Variants in ANKRD30B observed in about 807,000 individuals in gnomAD.
ANKRD30B encodes ankyrin repeat domain 30B, also known as ankyrin repeat domain-containing protein 30B.
In ANKRD30B, 144 loss-of-function variants were observed where a neutral mutation model predicts 202.2. That is an observed-to-expected ratio of 0.71 (90% CI 0.62 to 0.82). The LOEUF is 0.82. ANKRD30B is among the 40% of genes least tolerant of loss of function. The probability of loss-of-function intolerance (pLI) is 0.00; values close to 1 mark genes in which losing one functional copy is unlikely to be tolerated. For synonymous variants in ANKRD30B, 508 were observed against 561.3 expected (o/e 0.91, Z 1.34); for missense variants, 1,487 against 1,669.1 (o/e 0.89, Z 1.90).
rs780538017 is a variant in ANKRD30B at position 14,837,230 on chromosome 18, T to C, written c.2867T>C (p.Val956Ala). ...LTTKEGATKT[V>A]TGQQERDIGI... ...TAATAGGAGGGAGCAACAAAGACAG[T>C]AACTGGACAACAGGAACGTGATATT... Residue 956 changes from valine (V) to alanine (A), a missense_variant, in exon 35 of 44, where the codon GTA becomes GCA. Around this residue, in one of 6 missense-constraint regions of ANKRD30B, gnomAD observed 218 missense variants for 320.1 expected, o/e 0.68. Coordinates refer to ENST00000690538, the MANE Select transcript of ANKRD30B (RefSeq NM_001367607.2). 1.3e-4 allele frequency: 203 copies of C among 1,548,008 alleles called. No individual in the cohort carries two copies. The highest frequency in any genetic ancestry group is 2.0e-5 in the Admixed American group (1 of 50,710).
chr18:14,773,140 A>G (rs957287404), intron 9 of ANKRD30B, among the ~76,000 whole-genome samples: 8 of 152,202 alleles, frequency 5.3e-5, no homozygotes, highest in Non-Finnish European at 1.0e-4. Flanking sequence ...CTGAATAAGC[A>G]TATAGTAAGA....
At chr18:14,760,845 C>CA (rs1324184927) in intron 6 of ANKRD30B, among the ~76,000 whole-genome samples, 2 of 151,924 alleles carry the variant, frequency 1.3e-5, no homozygotes, top group African/African-American at 4.8e-5. Flanking sequence ...TTTATAATCT[C>CA]AAAAAATATT....
the ANKRD30B span, among the ~76,000 whole-genome samples, chr18:14,925,259 T>A: frequency 6.6e-6 from 1 of 152,188 alleles, no homozygotes; most frequent in Non-Finnish European, 1.5e-5. Flanking sequence ...AGCACTGAGC[T>A]GGCCTGAACT....
intron 39 of ANKRD30B, among the ~76,000 whole-genome samples, chr18:14,845,614 A>G (rs1971607227): frequency 6.6e-6 from 1 of 151,478 alleles, no homozygotes; most frequent in Non-Finnish European, 1.5e-5. Context: ...AGTGTTTGGT[A>G]TTTTTCAACT....
chr18:14,874,509 T>C, the ANKRD30B span, among the ~76,000 whole-genome samples: 344 of 152,338 alleles, frequency 2.3e-3, no homozygotes, highest in African/African-American at 7.7e-3. Flanking sequence ...ATTAATGATG[T>C]TTTCATAACA....
Position 14,748,352 on chromosome 18 carries a change from G to C in ANKRD30B, c.-68G>C. The C allele has an allele frequency of 3.0e-6, 4 of 1,317,984 alleles. No individual in the cohort carries two copies. The highest frequency in any genetic ancestry group is 4.0e-6 in the Non-Finnish European group (4 of 1,000,138). 81.6% of individuals were successfully genotyped at this position (1,317,984 alleles called of 1,614,324 possible). ...TGGGGAAGGGTAAGCGGGAAGCGAG[G>C]GCGAGGGGTAGGGGCTGGGGAAGGG... On this transcript the variant is annotated 5_prime_UTR_variant, in exon 1 of 44. Coordinates refer to ENST00000690538, the MANE Select transcript of ANKRD30B (RefSeq NM_001367607.2).
the ANKRD30B span, among the ~76,000 whole-genome samples, chr18:14,893,209 T>C: frequency 2.0e-5 from 3 of 152,244 alleles, no homozygotes; most frequent in Non-Finnish European, 4.4e-5. Flanking sequence ...TACGACCCTC[T>C]TTTATTCAAG....
chr18:14,902,703 G>A, the ANKRD30B span, among the ~76,000 whole-genome samples: 1 of 152,028 alleles, frequency 6.6e-6, no homozygotes, highest in South Asian at 2.1e-4. Context: ...TGATCCCAGG[G>A]TACCGCCCCA....
chr18:14,882,336 A>G, the ANKRD30B span, among the ~76,000 whole-genome samples: 1 of 152,158 alleles, frequency 6.6e-6, no homozygotes, highest in Admixed American at 6.5e-5. Flanking sequence ...AATTTTTTAC[A>G]TTTCCATCGT....
At chr18:14,776,080 G>T (rs1488049075) in intron 9 of ANKRD30B, among the ~76,000 whole-genome samples, 1 of 152,210 alleles carries the variant, frequency 6.6e-6, no homozygotes, top group Non-Finnish European at 1.5e-5. Context: ...GAACAGGCAT[G>T]TGGATTTCTA....
intron 18 of ANKRD30B, among the ~76,000 whole-genome samples, chr18:14,797,327 T>A (rs746787323): frequency 2.0e-5 from 3 of 152,134 alleles, no homozygotes; most frequent in Non-Finnish European, 4.4e-5. Context: ...TGACTGCACA[T>A]CCATTCACAG....
At chr18:14,845,010 A>G (rs1200976195) in intron 39 of ANKRD30B, among the ~76,000 whole-genome samples, 6 of 151,832 alleles carry the variant, frequency 4.0e-5, no homozygotes, top group Non-Finnish European at 7.4e-5. Flanking sequence ...AGATTGCAGA[A>G]ATTTTCTCCC....
chr18:14,868,139 G>A, the ANKRD30B span, among the ~76,000 whole-genome samples: 8 of 152,400 alleles, frequency 5.2e-5, no homozygotes, highest in East Asian at 1.9e-4. Context: ...TGACAGCAGC[G>A]CTGGTTCCTT....
At chr18:14,798,776 C>T (rs1372141631) in intron 20 of ANKRD30B, among the ~76,000 whole-genome samples, 1 of 152,194 alleles carries the variant, frequency 6.6e-6, no homozygotes, top group Non-Finnish European at 1.5e-5. Flanking sequence ...CATTCACAGG[C>T]TCTCTGCAGG....
chr18:14,831,181 G>GGAAAAAAAAAAAAAAAA (rs1267118242), intron 33 of ANKRD30B, among the ~76,000 whole-genome samples: 6 of 52,350 alleles, frequency 1.1e-4, no homozygotes, highest in Admixed American at 3.0e-4. Context: ...CTCCGTCTCG[G>GGAAAAAAAAAAAAAAAA]AAAAAAAAAA....
the ANKRD30B span, among the ~76,000 whole-genome samples, chr18:14,892,547 T>C: frequency 6.6e-6 from 1 of 151,994 alleles, no homozygotes; most frequent in Non-Finnish European, 1.5e-5. Flanking sequence ...AATACTAACC[T>C]GGCCAACATG....
rs753462531 is a variant in ANKRD30B, at chr18:14,796,177, T to C, written c.1826-44T>C. On this transcript the variant is annotated intron_variant, in intron 16 of 43. Transcript: ENST00000690538. ...TTGTACGAATGCTTGGTAGGCTTTG[T>C]CAGGCTTGCATATAATCAATTATAT... The C allele has an allele frequency of 3.9e-6, 6 of 1,544,742 alleles. No individual in the cohort carries two copies. The East Asian group carries it at 1.1e-4, about 29-fold the overall frequency.
At position 14,851,116 on chromosome 18, in the gene ANKRD30B, AAGG is replaced by A. The variant is rs200300230; in HGVS notation, c.3565-392_3565-390del. Among the ~76,000 whole-genome samples, 19 of 152,080 alleles carry A rather than the reference AAGG, an allele frequency of 1.2e-4. No homozygotes were observed. In the East Asian group the frequency reaches 2.9e-3, roughly 23 times the overall value. On this transcript the variant is annotated intron_variant, in intron 41 of 43. Coordinates refer to ENST00000690538, the MANE Select transcript of ANKRD30B (RefSeq NM_001367607.2). ...TATCTGTCTAAATATATGTAGCACT[AAGG>A]CTCTTAGTATGGGATGTTGTATAGG...
At chr18:14,792,703 A>G (rs964675684) in intron 16 of ANKRD30B, among the ~76,000 whole-genome samples, 1 of 146,250 alleles carries the variant, frequency 6.8e-6, no homozygotes, top group Non-Finnish European at 1.5e-5. Flanking sequence ...TGACTCATTA[A>G]TTTTCTTTAT....
Sources: gnomAD v4.1 joint callset for allele counts (sites outside exome capture counted in the v4.1 genomes callset) on GRCh38, gnomAD v4.1.1 for gene constraint, gnomAD v4.1.1 regional missense constraint, MANE v1.5 for transcripts, NCBI Gene and HGNC (gene_info 2026-07-23, HGNC 2026-07-21) for gene names.